The following IL26 variants were observed in gnomAD, a reference collection of about 807,000 sequenced individuals.
IL26 encodes interleukin-26.
IL26 carries 23 observed loss-of-function variants against 21.7 expected under a neutral mutation model. The observed-to-expected ratio is 1.06, with a 90% CI of 0.76 to 1.50. The LOEUF is 1.50. Among genes scored for constraint, IL26 ranks in the 40% most tolerant of loss-of-function variants. The probability of loss-of-function intolerance (pLI) is 0.00; values close to 1 mark genes in which losing one functional copy is unlikely to be tolerated. For synonymous variants in IL26, 63 were observed against 67.8 expected (o/e 0.93, Z 0.34); for missense variants, 204 against 196.0 (o/e 1.04, Z -0.24).
chr12:68,221,607 G>C lies in IL26; in HGVS notation c.363+3542C>G, dbSNP rs1361911905. Among the ~76,000 whole-genome samples, 5 of 152,322 alleles carry C rather than the reference G, an allele frequency of 3.3e-5. No individual in the cohort carries two copies. The East Asian group carries it at 7.7e-4, about 23-fold the overall frequency. On this transcript the variant is annotated intron_variant, in intron 3 of 4. Transcript: ENST00000229134. ...TGGTGATATGAATGTCAAAAGAGTT[G>C]TACTGTTATCTGCAGCCAGTAATCA...
rs754175725 is a variant in IL26, at chr12:68,225,657, G to A, written c.100C>T (p.Pro34Ser). 2 of 1,614,010 alleles carry A rather than the reference G, an allele frequency of 1.2e-6. No individual in the cohort carries two copies. The highest frequency in any genetic ancestry group is 8.5e-7 in the Non-Finnish European group (1 of 1,179,948). The change falls in exon 1 of 5, where the codon CCA becomes TCA. Residue 34 changes from proline (P) to serine (S), a missense_variant. Pro to Ser is a moderately conservative substitution (Grantham distance 74). Transcript: ENST00000229134. ...KQSSFTKSCY[P>S]RGTLSQAVDA... is the part of the protein sequence containing the mutation. ...ACAGCTTGGGACAATGTTCCCCTTG[G>A]GTAACAACTTTTGGTGAAGGAAGAT...
At chr12:68,225,120 A>T (rs1869199990) in intron 3 of IL26, 29 bp downstream of exon 3, 1 of 1,573,448 alleles carries the variant, frequency 6.4e-7, no homozygotes, top group Non-Finnish European at 8.6e-7. Context: ...TCTAGGATCA[A>T]ATGCACAGTA....
chr12:68,219,674 A>G (rs1868992337), intron 3 of IL26, among the ~76,000 whole-genome samples: 1 of 151,894 alleles, frequency 6.6e-6, no homozygotes, highest in Non-Finnish European at 1.5e-5. Context: ...TAGAAGGAGC[A>G]GACTAAATAT....
intron 3 of IL26, 145 bp downstream of exon 3, chr12:68,225,004 C>A: frequency 1.5e-6 from 1 of 665,574 alleles, no homozygotes. Context: ...TGCTATTTCC[C>A]TGGTGATGAC....
At position 68,225,737 on chromosome 12, in the gene IL26, A is replaced by G. The variant is rs1175953423; in HGVS notation, c.20T>C (p.Leu7Ser). 1.2e-6 allele frequency: 2 copies of G among 1,613,846 alleles called. No individual in the cohort carries two copies. The highest frequency in any genetic ancestry group is 1.7e-6 in the Non-Finnish European group (2 of 1,179,906). The change falls in exon 1 of 5, where the codon TTG (leucine) becomes TCG (serine). Residue 7 changes from leucine (L) to serine (S), a missense_variant. Transcript: ENST00000229134. MLVNFI[L>S]RCGLLLVTLS... Reference sequence around the variant, plus strand: ...AGTGACTAACAGCAACCCACACCTCAAAATGAAATTCACCAGCATTTCCCT... The same window carrying G: ...AGTGACTAACAGCAACCCACACCTCGAAATGAAATTCACCAGCATTTCCCT...
At chr12:68,210,329 T>C (rs1350877739) in intron 3 of IL26, among the ~76,000 whole-genome samples, 1 of 13,436 alleles carries the variant, frequency 7.4e-5, no homozygotes, top group African/African-American at 2.6e-4. Flanking sequence ...TAAATAAATA[T>C]CAGTTTGGCA....
chr12:68,220,228 T>C (rs1310005121), intron 3 of IL26, among the ~76,000 whole-genome samples: 1 of 152,104 alleles, frequency 6.6e-6, no homozygotes. Flanking sequence ...TATGCTAGTA[T>C]CAAAGTGACA....
At position 68,225,273 on chromosome 12, in the gene IL26, T is replaced by G. The variant is rs1869208069; in HGVS notation, c.239A>C (p.Gln80Pro). ...KTKKQFMKNC[Q>P]FQEQLLSFFM... is the part of the protein sequence containing the mutation. Reference sequence around the variant, plus strand: ...GAAGGACAGAAGCTGTTCTTGAAATTGACAGTTTTTCTAAAAATAAGATAC... The same window carrying G: ...GAAGGACAGAAGCTGTTCTTGAAATGGACAGTTTTTCTAAAAATAAGATAC... The change falls in exon 3 of 5, where the codon CAA becomes CCA. Residue 80 changes from glutamine (Q) to proline (P), a missense_variant. By Grantham distance (76) the Gln-to-Pro change is moderately conservative. Coordinates refer to ENST00000229134, the MANE Select transcript of IL26 (RefSeq NM_018402.2). 6.2e-7 allele frequency: 1 copy of G among 1,604,210 alleles called. No homozygotes were observed.
intron 3 of IL26, among the ~76,000 whole-genome samples, chr12:68,212,057 C>T (rs941178975): frequency 2.6e-5 from 4 of 152,010 alleles, no homozygotes; most frequent in African/African-American, 4.8e-5. Context: ...TTTTTCTATA[C>T]TGTGAGAGAT....
intron 3 of IL26, among the ~76,000 whole-genome samples, chr12:68,204,655 G>A (rs1868482540): frequency 6.6e-6 from 1 of 151,778 alleles, no homozygotes; most frequent in Non-Finnish European, 1.5e-5. Context: ...GAAGAGTAAT[G>A]AGAGTCAAAA....
At chr12:68,205,317 GC>G (rs1939146057) in intron 3 of IL26, among the ~76,000 whole-genome samples, 1 of 125,726 alleles carries the variant, frequency 8.0e-6, no homozygotes, top group South Asian at 2.4e-4. Flanking sequence ...TTAAAAACCT[GC>G]GTAAAACATT....
intron 3 of IL26, among the ~76,000 whole-genome samples, chr12:68,213,547 G>C (rs1014447952): frequency 1.3e-5 from 2 of 152,060 alleles, no homozygotes; most frequent in African/African-American, 4.8e-5. Context: ...CTTCAATCTT[G>C]TTACTCATTA....
chr12:68,223,158 G>C (rs1869106804), intron 3 of IL26, among the ~76,000 whole-genome samples: 1 of 152,082 alleles, frequency 6.6e-6, no homozygotes, highest in African/African-American at 2.4e-5. Flanking sequence ...TATGTTTCAC[G>C]GGGGAGCTTG....
At chr12:68,209,791 C>T (rs957750783) in intron 3 of IL26, among the ~76,000 whole-genome samples, 4 of 152,120 alleles carry the variant, frequency 2.6e-5, no homozygotes, top group African/African-American at 4.8e-5. Flanking sequence ...GGTTATGAGT[C>T]GACAGCTACA....
At chr12:68,207,011 T>G (rs979398669) in intron 3 of IL26, among the ~76,000 whole-genome samples, 1 of 152,230 alleles carries the variant, frequency 6.6e-6, no homozygotes, top group African/African-American at 2.4e-5. Context: ...GACTTCACTT[T>G]TTCTTGAATC....
rs6144754 is a variant in IL26, at chr12:68,204,141, A to ATTTTTTTTTTTTTTTTTTTTTTTTTT, written c.364-2059_364-2058insAAAAAAAAAAAAAAAAAAAAAAAAAA. Among the ~76,000 whole-genome samples the ATTTTTTTTTTTTTTTTTTTTTTTTTT allele has an allele frequency of 8.8e-4, 100 of 113,164 alleles. 3 individuals are homozygous for ATTTTTTTTTTTTTTTTTTTTTTTTTT. The highest frequency in any genetic ancestry group is 1.2e-3 in the Non-Finnish European group (71 of 56,802). 74.2% of individuals were successfully genotyped at this position (113,164 alleles called of 152,430 possible). ...TAAAATCATGTGTTAGGATTCAAAGATTTTTTTTTTTTTTTTTTTTGAGGC... is the reference window on the plus strand; with the variant it reads ...TAAAATCATGTGTTAGGATTCAAAGATTTTTTTTTTTTTTTTTTTTTTTTTTTTTTTTTTTTTTTTTTTTTTGAGGC... On this transcript the variant is annotated intron_variant, in intron 3 of 4. Transcript: ENST00000229134.
At chr12:68,202,222 A>T in intron 3 of IL26, 139 bp from the exon 4 acceptor site, 1 of 497,752 alleles carries the variant, frequency 2.0e-6, no homozygotes, top group Middle Eastern at 5.4e-4. Flanking sequence ...ATAATGCATG[A>T]TCTTTTTCCT....
intron 3 of IL26, among the ~76,000 whole-genome samples, chr12:68,221,104 C>T (rs560999544): frequency 2.6e-5 from 4 of 152,218 alleles, no homozygotes; most frequent in East Asian, 3.9e-4. Flanking sequence ...GGAACAGAAA[C>T]GAACACAACA....
At chr12:68,216,093 C>T (rs1036436739) in intron 3 of IL26, among the ~76,000 whole-genome samples, 2 of 151,578 alleles carry the variant, frequency 1.3e-5, no homozygotes, top group Non-Finnish European at 2.9e-5. Context: ...AAGATCGAGA[C>T]CATCCTGGCC....
Sources: gnomAD v4.1 joint callset for allele counts (sites outside exome capture counted in the v4.1 genomes callset) on GRCh38, gnomAD v4.1.1 for gene constraint, MANE v1.5 for transcripts, NCBI Gene and HGNC (gene_info 2026-07-23, HGNC 2026-07-21) for gene names.